Variants in DYNC1H1 observed in about 807,000 individuals in gnomAD.
DYNC1H1 encodes the protein cytoplasmic dynein 1 heavy chain 1.
In DYNC1H1, 51 loss-of-function variants were observed where a neutral mutation model predicts 527.1. That is an observed-to-expected ratio of 0.10 (90% CI 0.08 to 0.12). The LOEUF (loss-of-function observed/expected upper bound fraction) is 0.12, where lower values mean the gene tolerates loss of function less well. Among genes scored for constraint, DYNC1H1 ranks in the 10% least tolerant of loss-of-function variants. DYNC1H1 has a pLI of 1.00. For missense variants in DYNC1H1, 2,771 were observed against 5,971.8 expected (o/e 0.46, Z 17.66); for synonymous variants, 2,189 against 2,278.8 (o/e 0.96, Z 1.12).
At chr14:102,045,973 T>G (rs1169513051) in intron 72 of DYNC1H1, among the ~76,000 whole-genome samples, 2 of 152,042 alleles carry the variant, frequency 1.3e-5, no homozygotes, top group Non-Finnish European at 2.9e-5. Flanking sequence ...GAGACCATCC[T>G]GGCTAACACG....
At chr14:102,021,229 T>G (rs1400232033) in intron 42 of DYNC1H1, among the ~76,000 whole-genome samples, 1 of 151,950 alleles carries the variant, frequency 6.6e-6, no homozygotes, top group Non-Finnish European at 1.5e-5. Flanking sequence ...AATAAAAAAT[T>G]AGCCAGGTGT....
chr14:102,010,969 C>G lies in DYNC1H1; in HGVS notation c.6618+17C>G. 1.2e-6 allele frequency: 2 copies of G among 1,613,766 alleles called. No individual in the cohort carries two copies. The highest frequency in any genetic ancestry group is 1.7e-6 in the Non-Finnish European group (2 of 1,179,700). ...GTTGAAAAGGTAACTTGGATTGTTT[C>G]ACTGGCCACTGCCCTCACAGACCCT... is the stretch of plus-strand genomic sequence containing the variant. On this transcript the variant is annotated intron_variant, in intron 32 of 77. Transcript: ENST00000360184. This position sits in a 1 kb window ranked among gnomAD's most constrained non-coding sequence, Gnocchi z 6.0.
chr14:101,972,468 A>G (rs2047750171), intron 1 of DYNC1H1, among the ~76,000 whole-genome samples: 1 of 152,204 alleles, frequency 6.6e-6, no homozygotes, highest in Non-Finnish European at 1.5e-5. Context: ...ATCTATTTGC[A>G]TTATCGTTGT....
rs536970254 is a variant in DYNC1H1, at chr14:102,032,539, C to T, written c.10079+72C>T. The T allele has an allele frequency of 6.4e-5, 102 of 1,586,870 alleles. 1 individual carries two copies. In the East Asian group the frequency reaches 8.1e-4, roughly 13 times the overall value. On this transcript the variant is annotated intron_variant, in intron 52 of 77. Transcript: ENST00000360184. ...TGTTCAGGCCAGGCACGGTGGCTCA[C>T]GCCTCCAATCCCAGAACTTTCGGCT...
rs546242396 is a variant in DYNC1H1, at chr14:102,013,204, G to A, written c.7014+734G>A. Among the ~76,000 whole-genome samples, 395 of 140,998 alleles carry A rather than the reference G, an allele frequency of 2.8e-3. 1 individual carries two copies. Among genetic ancestry groups the A allele is most frequent in the African/African-American group, 1.0e-2 (371 of 37,170 alleles). 92.5% of individuals were successfully genotyped at this position (140,998 alleles called of 152,430 possible). ...GCGGATGTTGCAGTGAGCCGAGATC[G>A]CGCCACTGCACTGCAGCCTGGGCGA... On this transcript the variant is annotated intron_variant, in intron 34 of 77. Coordinates refer to ENST00000360184, the MANE Select transcript of DYNC1H1 (RefSeq NM_001376.5).
chr14:101,980,860 A>G (rs7144489), intron 5 of DYNC1H1, among the ~76,000 whole-genome samples: 23,756 of 152,192 alleles, frequency 0.16, 2,165 homozygotes, highest in African/African-American at 0.24. Context: ...CGGCTGTACA[A>G]TTGGCACAAA....
intron 76 of DYNC1H1, 53 bp from the exon 77 acceptor site, chr14:102,050,018 T>C: frequency 6.2e-7 from 1 of 1,613,958 alleles, no homozygotes; most frequent in South Asian, 1.1e-5. Context: ...GTGACTGGGG[T>C]TTGTGTAGCT....
rs2047832844 is a variant in DYNC1H1, at chr14:101,979,010, A to G, written c.345-309A>G. 6.6e-6 allele frequency among the ~76,000 whole-genome samples: 1 copy of G among 152,252 alleles called. No homozygotes were observed. The highest frequency in any genetic ancestry group is 2.4e-5 in the African/African-American group (1 of 41,470). Reference sequence around the variant, plus strand: ...GCAACTTTTGTTTACTTAGTACAGTAAATAAATGTTACACATTAGTGTAAG... The same window carrying G: ...GCAACTTTTGTTTACTTAGTACAGTGAATAAATGTTACACATTAGTGTAAG... On this transcript the variant is annotated intron_variant, in intron 2 of 77. Coordinates refer to ENST00000360184, the MANE Select transcript of DYNC1H1 (RefSeq NM_001376.5). The surrounding 1 kb of genome is among the most constrained non-coding windows in gnomAD (Gnocchi z 4.6).
chr14:101,996,283 C>A lies in DYNC1H1; in HGVS notation c.3565-752C>A, dbSNP rs559492657. Among the ~76,000 whole-genome samples, 422 of 151,918 alleles carry A rather than the reference C, an allele frequency of 2.8e-3. 1 individual carries two copies. Among genetic ancestry groups the A allele is most frequent in the Non-Finnish European group, 5.2e-3 (352 of 67,964 alleles). ...TAGCTGGAATTACAGGCGCCCACCA[C>A]CATGCCCGGCTAATTTTTGTATTTT... On this transcript the variant is annotated intron_variant, in intron 15 of 77. Transcript: ENST00000360184.
chr14:102,036,252 C>T lies in DYNC1H1; in HGVS notation c.10755-237C>T. 1 of 499,400 alleles carries T rather than the reference C, an allele frequency of 2.0e-6. No homozygotes were observed. Among genetic ancestry groups the T allele is most frequent in the Non-Finnish European group, 3.7e-6 (1 of 272,780 alleles). 30.9% of individuals were successfully genotyped at this position (499,400 alleles called of 1,614,324 possible). On this transcript the variant is annotated intron_variant, in intron 56 of 77. Coordinates refer to ENST00000360184, the MANE Select transcript of DYNC1H1 (RefSeq NM_001376.5). The surrounding 1 kb of genome is among the most constrained non-coding windows in gnomAD (Gnocchi z 5.6). Reference sequence around the variant, plus strand: ...AGGAAAAAGATTTTTAACTATGGCCCTCTTGGTGTATGACTCAAGCTACCT... The same window carrying T: ...AGGAAAAAGATTTTTAACTATGGCCTTCTTGGTGTATGACTCAAGCTACCT...
Position 102,000,510 on chromosome 14 carries a change from A to G in DYNC1H1, c.4074+111A>G, listed in dbSNP as rs1476680872. The G allele has an allele frequency of 8.4e-6, 8 of 953,158 alleles. No homozygotes were observed. In the African/African-American group the frequency reaches 1.1e-4, roughly 14 times the overall value. The allele number at this position is 953,158 out of a possible 1,614,324, so 59.0% of individuals were successfully genotyped here. On this transcript the variant is annotated intron_variant, in intron 18 of 77. Coordinates refer to ENST00000360184, the MANE Select transcript of DYNC1H1 (RefSeq NM_001376.5). ...TTGTATTGTGAGTTCATAAGATGTC[A>G]TTTAATGTCCTGCATGTCATTTACA...
At position 102,020,101 on chromosome 14, in the gene DYNC1H1, TGA is replaced by T. The variant is rs1567014178; in HGVS notation, c.8507+47_8507+48del. The T allele has an allele frequency of 1.9e-6, 3 of 1,609,232 alleles. No individual in the cohort carries two copies. In the East Asian group the frequency reaches 6.7e-5, roughly 36 times the overall value. ...CAGTTGGTCCCATTCTCCCCTGCTC[TGA>T]GTTCTTACAGCTGTCGAAGCTGGGG... is the stretch of plus-strand genomic sequence containing the variant. On this transcript the variant is annotated intron_variant, in intron 42 of 77. Coordinates refer to ENST00000360184, the MANE Select transcript of DYNC1H1 (RefSeq NM_001376.5). The surrounding 1 kb of genome is among the most constrained non-coding windows in gnomAD (Gnocchi z 4.3).
rs753065831 is a variant in DYNC1H1 at position 102,049,804 on chromosome 14, C to T, written c.13606C>T (p.Leu4536=). 9 of 1,613,812 alleles carry T rather than the reference C, an allele frequency of 5.6e-6. No individual in the cohort carries two copies. In the Admixed American group the frequency reaches 1.3e-4, roughly 24 times the overall value. Residue 4536 remains leucine, a synonymous_variant, in exon 76 of 78, where the codon CTG becomes TTG. Transcript: ENST00000360184. This position sits in a 1 kb window ranked among gnomAD's most constrained non-coding sequence, Gnocchi z 5.5. ...TGTGGCCCAGGCCAACAGCTGGTCCCTGGAGGAGCTCTGCCTGGAAGTCAA... is the reference window on the plus strand; with the variant it reads ...TGTGGCCCAGGCCAACAGCTGGTCCTTGGAGGAGCTCTGCCTGGAAGTCAA... ...QYVAQANSWS[L]EELCLEVNVT... is the part of the protein sequence containing the mutation.
intron 51 of DYNC1H1, chr14:102,030,802 A>C: frequency 9.5e-6 from 2 of 210,714 alleles, no homozygotes; most frequent in Non-Finnish European, 1.9e-5. Flanking sequence ...CAATTTACAC[A>C]GTGAGTAAGA....
chr14:101,987,383 G>T, intron 8 of DYNC1H1, 70 bp from the exon 9 acceptor site: 1 of 1,472,686 alleles, frequency 6.8e-7, no homozygotes, highest in Non-Finnish European at 9.3e-7. Flanking sequence ...TATTTGAGAA[G>T]AATGTTATGT....
rs775876850 is a variant in DYNC1H1, at chr14:102,016,556, G to A, written c.7614+67G>A. 17 of 1,613,212 alleles carry A rather than the reference G, an allele frequency of 1.1e-5. No individual in the cohort carries two copies. Among genetic ancestry groups the A allele is most frequent in the Non-Finnish European group, 1.4e-5 (17 of 1,179,540 alleles). ...GTTGATTTAACTCATCCTGGAACAA[G>A]CTGACCATGGACCTTGGCTTCGTCT... On this transcript the variant is annotated intron_variant, in intron 37 of 77. Transcript: ENST00000360184. This position sits in a 1 kb window ranked among gnomAD's most constrained non-coding sequence, Gnocchi z 7.3.
intron 72 of DYNC1H1, among the ~76,000 whole-genome samples, chr14:102,046,476 T>C (rs1366488257): frequency 7.0e-6 from 1 of 143,310 alleles, no homozygotes; most frequent in African/African-American, 2.6e-5. Flanking sequence ...GCTGGGCGGG[T>C]CTGGAGGGAA....
chr14:102,036,318 G>A lies in DYNC1H1; in HGVS notation c.10755-171G>A. 1 of 746,082 alleles carries A rather than the reference G, an allele frequency of 1.3e-6. No individual in the cohort carries two copies. Among genetic ancestry groups the A allele is most frequent in the South Asian group, 1.6e-5 (1 of 63,610 alleles). 46.2% of individuals were successfully genotyped at this position (746,082 alleles called of 1,614,324 possible). On this transcript the variant is annotated intron_variant, in intron 56 of 77. Transcript: ENST00000360184. The surrounding 1 kb of genome is among the most constrained non-coding windows in gnomAD (Gnocchi z 5.6). ...TGTTCAAAAGGATGAGGTGATGTTA[G>A]CATTAAGCATGTAAGCTTTATTGGT...
rs1005136983 is a variant in DYNC1H1, at chr14:102,015,767, G to A, written c.7243-89G>A. 37 of 1,421,694 alleles carry A rather than the reference G, an allele frequency of 2.6e-5. No individual in the cohort carries two copies. The highest frequency in any genetic ancestry group is 4.2e-5 in the African/African-American group (3 of 71,180). The allele number at this position is 1,421,694 out of a possible 1,614,324, so 88.1% of individuals were successfully genotyped here. ...CATCCAAAATGAGTTTTCCAAGGTCGTATGACCTTCTCCTGGGACCAGGTT... is the reference window on the plus strand; with the variant it reads ...CATCCAAAATGAGTTTTCCAAGGTCATATGACCTTCTCCTGGGACCAGGTT... On this transcript the variant is annotated intron_variant, in intron 35 of 77. Transcript: ENST00000360184. This position sits in a 1 kb window ranked among gnomAD's most constrained non-coding sequence, Gnocchi z 6.9.
Sources: gnomAD v4.1 joint callset for allele counts (sites outside exome capture counted in the v4.1 genomes callset) on GRCh38, gnomAD v4.1.1 for gene constraint, Gnocchi (gnomAD v3.1) non-coding constraint, MANE v1.5 for transcripts, NCBI Gene and HGNC (gene_info 2026-07-23, HGNC 2026-07-21) for gene names.